NPAS2: variants seen among roughly 807,000 people sequenced by gnomAD.
NPAS2 encodes the protein neuronal PAS domain protein 2, also known as neuronal PAS domain-containing protein 2.
A neutral mutation model predicts 107.5 loss-of-function variants in NPAS2; 23 were observed. The observed-to-expected ratio is 0.21, with a 90% CI of 0.15 to 0.30. The LOEUF (loss-of-function observed/expected upper bound fraction) is 0.30, where lower values mean the gene tolerates loss of function less well. NPAS2 is among the 10% of genes least tolerant of loss of function. The probability of loss-of-function intolerance (pLI) is 1.00; values close to 1 mark genes in which losing one functional copy is unlikely to be tolerated. For synonymous variants in NPAS2, 403 were observed against 417.5 expected (o/e 0.97, Z 0.42); for missense variants, 756 against 1,043.3 (o/e 0.72, Z 3.79).
intron 15 of NPAS2, among the ~76,000 whole-genome samples, chr2:100,981,789 G>A (rs753233688): frequency 1.1e-4 from 16 of 152,214 alleles, no homozygotes; most frequent in Non-Finnish European, 1.6e-4. Context: ...AAAAATGCCT[G>A]TGAAGCTGTC....
intron 1 of NPAS2, among the ~76,000 whole-genome samples, chr2:100,826,187 T>TG (rs1311227409): frequency 6.6e-6 from 1 of 152,234 alleles, no homozygotes; most frequent in Non-Finnish European, 1.5e-5. Flanking sequence ...CTCACGCCTG[T>TG]AATCCCAGCA....
chr2:100,844,238 A>G (rs1677630856), intron 1 of NPAS2, among the ~76,000 whole-genome samples: 1 of 152,118 alleles, frequency 6.6e-6, no homozygotes, highest in Admixed American at 6.5e-5. Context: ...GTACCACTGA[A>G]GGGGGACTCC....
intron 1 of NPAS2, among the ~76,000 whole-genome samples, chr2:100,897,953 A>G (rs1383906512): frequency 2.0e-5 from 3 of 152,226 alleles, no homozygotes; most frequent in African/African-American, 7.2e-5. Flanking sequence ...CTCATCACAG[A>G]GCCCAAGAGG....
chr2:100,840,686 C>G (rs1422662856), intron 1 of NPAS2, among the ~76,000 whole-genome samples: 1 of 151,880 alleles, frequency 6.6e-6, no homozygotes, highest in Non-Finnish European at 1.5e-5. Context: ...ATTCCAGAGT[C>G]GATCTGTCAG....
intron 5 of NPAS2, among the ~76,000 whole-genome samples, chr2:100,942,442 T>C (rs7605570): frequency 0.68 from 103,059 of 151,112 alleles, 35,373 homozygotes; most frequent in African/African-American, 0.78. Context: ...GAGGTGTCCC[T>C]GGGTCGGAGC....
chr2:100,926,777 G>A (rs1008108399), intron 3 of NPAS2, among the ~76,000 whole-genome samples: 1 of 152,010 alleles, frequency 6.6e-6, no homozygotes, highest in Non-Finnish European at 1.5e-5. Context: ...TTTGACACAC[G>A]AAGGTTTTAA....
chr2:100,943,138 A>G (rs1432591961), intron 5 of NPAS2, among the ~76,000 whole-genome samples: 1 of 152,198 alleles, frequency 6.6e-6, no homozygotes, highest in Non-Finnish European at 1.5e-5. Flanking sequence ...GAATGATGCC[A>G]TAGTGGTGGC....
chr2:100,966,335 C>T (rs1179984424), intron 10 of NPAS2, among the ~76,000 whole-genome samples: 2 of 152,110 alleles, frequency 1.3e-5, no homozygotes, highest in East Asian at 3.9e-4. Context: ...AGGGAAGGCT[C>T]TTTGCCACAT....
chr2:100,967,740 TA>T (rs1676310678), intron 10 of NPAS2, among the ~76,000 whole-genome samples: 1 of 152,046 alleles, frequency 6.6e-6, no homozygotes, highest in African/African-American at 2.4e-5. Context: ...CAGACATCAC[TA>T]TGGGGGGGCT....
intron 1 of NPAS2, among the ~76,000 whole-genome samples, chr2:100,887,594 T>C (rs1680783976): frequency 6.6e-6 from 1 of 152,176 alleles, no homozygotes; most frequent in South Asian, 2.1e-4. Context: ...CACAGCACCA[T>C]ACAGACATGA....
chr2:100,879,675 G>C (rs1167578861), intron 1 of NPAS2, among the ~76,000 whole-genome samples: 1 of 152,184 alleles, frequency 6.6e-6, no homozygotes, highest in Non-Finnish European at 1.5e-5. Context: ...AGGACCTCCT[G>C]ATTCCCTTTT....
intron 7 of NPAS2, among the ~76,000 whole-genome samples, chr2:100,958,825 C>T (rs1675733909): frequency 6.6e-6 from 1 of 152,116 alleles, no homozygotes. Context: ...TCCACACCAA[C>T]CGTCTAGTGG....
At chr2:100,848,940 T>C (rs1677968560) in intron 1 of NPAS2, among the ~76,000 whole-genome samples, 2 of 152,254 alleles carry the variant, frequency 1.3e-5, no homozygotes, top group Non-Finnish European at 2.9e-5. Flanking sequence ...GCGCAGCCTG[T>C]CATGCATGGG....
intron 3 of NPAS2, among the ~76,000 whole-genome samples, chr2:100,928,270 G>A (rs999171598): frequency 6.6e-6 from 1 of 151,994 alleles, no homozygotes; most frequent in African/African-American, 2.4e-5. Flanking sequence ...GTATTTGATT[G>A]CCCTGATAAT....
At chr2:100,892,001 C>G (rs6721366) in intron 1 of NPAS2, among the ~76,000 whole-genome samples, 29,738 of 152,084 alleles carry the variant, frequency 0.2, 3,866 homozygotes, top group Non-Finnish European at 0.28. Context: ...CGTAAATCTC[C>G]TTTTCCCCTC....
At chr2:100,847,552 A>T (rs1415112953) in intron 1 of NPAS2, among the ~76,000 whole-genome samples, 4 of 152,102 alleles carry the variant, frequency 2.6e-5, no homozygotes, top group African/African-American at 9.7e-5. Flanking sequence ...TTGTATTTTT[A>T]GTAGAGACGG....
chr2:100,890,822 C>G (rs1379378064), intron 1 of NPAS2, among the ~76,000 whole-genome samples: 7 of 152,174 alleles, frequency 4.6e-5, no homozygotes, highest in Non-Finnish European at 8.8e-5. Flanking sequence ...TGCGGGGCCC[C>G]TTGCAGCCCG....
chr2:100,910,254 T>A (rs1376524104), intron 2 of NPAS2, among the ~76,000 whole-genome samples: 1 of 152,214 alleles, frequency 6.6e-6, no homozygotes, highest in Non-Finnish European at 1.5e-5. Context: ...ATGTTCCAAT[T>A]AAATGGTGCC....
intron 1 of NPAS2, among the ~76,000 whole-genome samples, chr2:100,866,414 G>A (rs1679259697): frequency 6.6e-6 from 1 of 152,176 alleles, no homozygotes; most frequent in Admixed American, 6.5e-5. Flanking sequence ...GCTGCCATGA[G>A]CAAGCCCAGA....
Sources: gnomAD v4.1 joint callset for allele counts (sites outside exome capture counted in the v4.1 genomes callset) on GRCh38, gnomAD v4.1.1 for gene constraint, MANE v1.5 for transcripts, NCBI Gene and HGNC (gene_info 2026-07-23, HGNC 2026-07-21) for gene names.